The following NPHS1 variants were observed in gnomAD, a reference collection of about 807,000 sequenced individuals.
NPHS1 encodes nephrin.
In NPHS1, 107 loss-of-function variants were observed where a neutral mutation model predicts 139.7. That is an observed-to-expected ratio of 0.77 (90% confidence interval 0.66 to 0.90). NPHS1 has a LOEUF of 0.90. Among genes scored for constraint, NPHS1 ranks in the 40% least tolerant of loss-of-function variants. The pLI, the probability that NPHS1 is intolerant of heterozygous loss-of-function variation, is 0.00. For missense variants in NPHS1, 1,580 were observed against 1,654.2 expected, an observed-to-expected ratio of 0.96 and a Z score of 0.78; for synonymous variants, 707 against 706.6, an observed-to-expected ratio of 1.00 and a Z score of -0.01.
intron 4 of NPHS1, 70 bp downstream of exon 4, chr19:35,850,891 C>G (rs1973234715): frequency 6.3e-7 from 1 of 1,586,180 alleles, no homozygotes; most frequent in Non-Finnish European, 8.6e-7. Flanking sequence ...GGGTACTGGT[C>G]AGGAACACAC....
At chr19:35,835,293 C>CTTTTTTT (rs34868479) in intron 23 of NPHS1, among the ~76,000 whole-genome samples, 2 of 38,092 alleles carry the variant, frequency 5.3e-5, no homozygotes, top group Non-Finnish European at 1.0e-4. Context: ...AGAACTAAGT[C>CTTTTTTT]TTTTTTTTTT....
At chr19:35,847,836 C>A in intron 11 of NPHS1, 2 of 543,624 alleles carry the variant, frequency 3.7e-6, no homozygotes, top group East Asian at 6.0e-5. Flanking sequence ...AAAATTCTCA[C>A]TGTTTCCCCA....
In NPHS1 at chr19:35,841,779, G is replaced by A. The variant is rs1306275198; in HGVS notation, c.2751C>T (p.Leu917=). 6.2e-7 allele frequency: 1 copy of A among 1,614,076 alleles called. No homozygotes were observed. Among genetic ancestry groups the A allele is most frequent in the Non-Finnish European group, 8.5e-7 (1 of 1,180,046 alleles). Residue 917 remains leucine (L), a synonymous_variant, in exon 20 of 29, where the codon CTC becomes CTT. Transcript: ENST00000378910. The part of the protein sequence containing the change: ...ANVSAAQDYA[L]FTCTATNALG... ...GGGCGTTGGTGGCTGTACATGTGAA[G>A]AGGGCGTAATCCTGGGCGGCAGACA...
intron 23 of NPHS1, among the ~76,000 whole-genome samples, chr19:35,832,886 C>CAAAAAA (rs748346116): frequency 2.2e-5 from 1 of 45,422 alleles, no homozygotes; most frequent in Non-Finnish European, 4.2e-5. Flanking sequence ...GACCCTGTCT[C>CAAAAAA]AAAAAAAAAA....
chr19:35,842,650 A>C, intron 17 of NPHS1, 100 bp from the exon 18 acceptor site: 2 of 1,214,218 alleles, frequency 1.6e-6, no homozygotes, highest in Non-Finnish European at 2.4e-6. Flanking sequence ...AGCCACAATC[A>C]CCCTCCACAG....
Position 35,842,472 on chromosome 19 carries a change from G to A in NPHS1, c.2413C>T (p.His805Tyr), listed in dbSNP as rs1336291685. The change falls in exon 18 of 29, where the codon CAT (histidine) becomes TAT (tyrosine). Residue 805 changes from histidine to tyrosine, a missense_variant. Transcript: ENST00000378910. ...GCGCCAGCCTGGGCCAGTTTGGCAT[G>A]GTGAATCCGCAGGCGCCCCGTTGGT... The part of the protein sequence containing the change: ...RGPTGRLRIH[H>Y]AKLAQAGAYQ... 3 of 1,614,038 alleles carry A rather than the reference G, an allele frequency of 1.9e-6. No individual in the cohort carries two copies. In the African/African-American group the frequency reaches 4.0e-5, roughly 22 times the overall value.
At chr19:35,839,151 AT>A in intron 22 of NPHS1, 85 bp downstream of exon 22, 1 of 1,322,272 alleles carries the variant, frequency 7.6e-7, no homozygotes, top group Non-Finnish European at 1.1e-6. Flanking sequence ...GTAACTCATC[AT>A]AAAAGGGGAA....
chr19:35,839,507 C>A lies in NPHS1; in HGVS notation c.2916G>T (p.Arg972Ser), dbSNP rs374762054. Reference sequence around the variant, plus strand: ...CGACAAGGACCCACCTGATGCAGAACCTCTGTGGCAGGCCCCCATCAAAGC... The same window carrying A: ...CGACAAGGACCCACCTGATGCAGAAACTCTGTGGCAGGCCCCCATCAAAGC... ...KPGFDGGLPQ[R>S]FCIRYEALGT... The change falls in exon 21 of 29, where the codon AGG becomes AGT. Residue 972 changes from arginine to serine, a missense_variant. Physicochemically the swap from Arg to Ser is moderately radical, Grantham distance 110. Coordinates refer to ENST00000378910, the MANE Select transcript of NPHS1 (RefSeq NM_004646.4). The A allele has an allele frequency of 5.6e-5, 91 of 1,614,014 alleles. No homozygotes were observed. The highest frequency in any genetic ancestry group is 7.2e-5 in the Non-Finnish European group (85 of 1,179,986).
intron 9 of NPHS1, 45 bp downstream of exon 9, chr19:35,848,592 C>CA: frequency 6.2e-7 from 1 of 1,610,392 alleles, no homozygotes; most frequent in Non-Finnish European, 8.5e-7. Flanking sequence ...GTCATGCCCT[C>CA]AGCCCCCTCC....
In NPHS1 at chr19:35,851,649, C is replaced by T; in HGVS notation, c.82G>A (p.Ala28Thr). The change falls in exon 2 of 29, where the codon GCC becomes ACC. Residue 28 changes from alanine to threonine, a missense_variant. By Grantham distance (58) the Ala-to-Thr change is moderately conservative. Transcript: ENST00000378910. The stretch of plus-strand genomic sequence containing the variant: ...GCCCAGAAGCCCCGGGGAACGGAGG[C>T]AGGAATCGCCAACTGCGCCAGGCCT... ...TEGLAQLAIP[A>T]SVPRGFWALP... is the part of the protein sequence containing the mutation. The T allele has an allele frequency of 6.2e-7, 1 of 1,613,542 alleles. No homozygotes were observed. The highest frequency in any genetic ancestry group is 8.5e-7 in the Non-Finnish European group (1 of 1,179,790).
rs146858871 is a variant in NPHS1, at chr19:35,831,727, C to T, written c.3202G>A (p.Ala1068Thr). The T allele has an allele frequency of 1.8e-5, 28 of 1,588,584 alleles. No homozygotes were observed. Among genetic ancestry groups the T allele is most frequent in the African/African-American group, 1.6e-4 (12 of 74,144 alleles). ...GAGAGGAGCAGAAGCCCCCCAAGAG[C>T]GAACAGCACAGGCAGCAGGGGCAGC... The part of the protein sequence containing the change: ...SGLPLLPVLF[A>T]LGGLLLLSNA... The change falls in exon 24 of 29, where the codon GCT becomes ACT. Residue 1068 changes from alanine (A) to threonine (T), a missense_variant. Coordinates refer to ENST00000378910, the MANE Select transcript of NPHS1 (RefSeq NM_004646.4).
At position 35,845,439 on chromosome 19, in the gene NPHS1, C is replaced by T. The variant is rs769487286; in HGVS notation, c.1859G>A (p.Arg620His). 3.1e-6 allele frequency: 5 copies of T among 1,614,144 alleles called. No individual in the cohort carries two copies. Among genetic ancestry groups the T allele is most frequent in the Non-Finnish European group, 3.4e-6 (4 of 1,180,030 alleles). The stretch of plus-strand genomic sequence containing the variant: ...GGCGCTGTGGGCGCGGCAGGTCACG[C>T]GCTGGCCATGATCGCGGGATGACAC... ...LQVSSRDHGQ[R>H]VTCRAHSAEL... is the part of the protein sequence containing the mutation. The change falls in exon 14 of 29, where the codon CGC (arginine) becomes CAC (histidine). Residue 620 changes from arginine to histidine, a missense_variant. Physicochemically the swap from Arg to His is conservative, Grantham distance 29. Transcript: ENST00000378910. The surrounding 1 kb of genome is among the most constrained non-coding windows in gnomAD (Gnocchi z 5.5).
intron 20 of NPHS1, 92 bp from the exon 21 acceptor site, chr19:35,839,699 A>G: frequency 1.0e-6 from 1 of 997,354 alleles, no homozygotes; most frequent in South Asian, 1.3e-5. Context: ...TTTTAAATAT[A>G]CAATCGCTTC....
Position 35,845,748 on chromosome 19 carries a change from C to T in NPHS1, c.1678G>A (p.Gly560Arg), listed in dbSNP as rs1973130530. The T allele has an allele frequency of 1.9e-6, 3 of 1,614,004 alleles. No individual in the cohort carries two copies. The highest frequency in any genetic ancestry group is 2.7e-5 in the African/African-American group (2 of 74,934). The change falls in exon 13 of 29, where the codon GGA (glycine) becomes AGA (arginine). Residue 560 changes from glycine to arginine, a missense_variant. By Grantham distance (125) the Gly-to-Arg change is moderately radical (BLOSUM62 -2). Coordinates refer to ENST00000378910, the MANE Select transcript of NPHS1 (RefSeq NM_004646.4). The surrounding 1 kb of genome is among the most constrained non-coding windows in gnomAD (Gnocchi z 5.5). ...ACGCATGTCAAGTTTAAGGCGTCTC[C>T]CGGGCGCAGTGCGGATGCGTTGGCC... is the stretch of plus-strand genomic sequence containing the variant. ...ILANASALRPGDALNLTCVSV... is the reference protein window; with the variant it reads ...ILANASALRPRDALNLTCVSV...
chr19:35,849,635 T>C lies in NPHS1; in HGVS notation c.627A>G (p.Ser209=), dbSNP rs111277506. ...CACAGACCAGCAACTGCCTATTATC[T>C]GAGCTCCGGGGTGTCACCCTGGGAT... is the stretch of plus-strand genomic sequence containing the variant. ...EATARVTPRS[S]DNRQLLVCEA... The change falls in exon 6 of 29, where the codon TCA becomes TCG. Residue 209 remains serine (S), a synonymous_variant. Coordinates refer to ENST00000378910, the MANE Select transcript of NPHS1 (RefSeq NM_004646.4). The C allele has an allele frequency of 1.9e-6, 3 of 1,613,964 alleles. No homozygotes were observed. Among genetic ancestry groups the C allele is most frequent in the African/African-American group, 2.7e-5 (2 of 75,044 alleles).
At chr19:35,835,357 T>C (rs1357548724) in intron 23 of NPHS1, among the ~76,000 whole-genome samples, 3 of 132,310 alleles carry the variant, frequency 2.3e-5, no homozygotes, top group Non-Finnish European at 4.7e-5. Flanking sequence ...TGGAGTGCAG[T>C]GGCTCAGTCA....
chr19:35,835,549 GCCTC>G (rs1427007318), intron 23 of NPHS1, among the ~76,000 whole-genome samples, 152 bp downstream of exon 23: 1 of 152,030 alleles, frequency 6.6e-6, no homozygotes, highest in Non-Finnish European at 1.5e-5. Flanking sequence ...ACATGCCTTG[GCCTC>G]CCAAAGTGTT....
chr19:35,843,632 C>A, intron 16 of NPHS1, 39 bp from the exon 17 acceptor site: 2 of 1,611,128 alleles, frequency 1.2e-6, no homozygotes, highest in Non-Finnish European at 1.7e-6. Flanking sequence ...CACTTGGGCC[C>A]AGACAGGTCT....
chr19:35,826,599 C>G lies in NPHS1; in HGVS notation c.3641G>C (p.Arg1214Thr), dbSNP rs1198894064. 2 of 1,614,092 alleles carry G rather than the reference C, an allele frequency of 1.2e-6. No individual in the cohort carries two copies. The highest frequency in any genetic ancestry group is 8.5e-7 in the Non-Finnish European group (1 of 1,180,014). ...HWPEDTYQDP[R>T]GIYDQVAGDL... The stretch of plus-strand genomic sequence containing the variant: ...TCCGGCCACCTGGTCATAGATTCCT[C>G]TTGGATCCTGATATGTGTCTTCAGG... The change falls in exon 29 of 29, where the codon AGA becomes ACA. Residue 1214 changes from arginine (R) to threonine (T), a missense_variant. Arg to Thr is a moderately conservative substitution (Grantham distance 71, BLOSUM62 -1). Coordinates refer to ENST00000378910, the MANE Select transcript of NPHS1 (RefSeq NM_004646.4).
Sources: gnomAD v4.1 joint callset for allele counts (sites outside exome capture counted in the v4.1 genomes callset) on GRCh38, gnomAD v4.1.1 for gene constraint, Gnocchi (gnomAD v3.1) non-coding constraint, MANE v1.5 for transcripts, NCBI Gene and HGNC (gene_info 2026-07-23, HGNC 2026-07-21) for gene names.